CUX1: variants seen among roughly 807,000 people sequenced by gnomAD.
The protein encoded by CUX1 is cut like homeobox 1.
CUX1 carries 31 observed loss-of-function variants against 158.8 expected under a neutral mutation model. The ratio of observed to expected loss-of-function variants is 0.20; its 90% confidence interval spans 0.15 to 0.26. The LOEUF is 0.26. Ranked by LOEUF, CUX1 falls within the 10% of genes least tolerant of loss-of-function variation. The pLI is 1.00. For missense variants in CUX1, 1,589 were observed against 2,014.6 expected (o/e 0.79, Z 4.04); for synonymous variants, 879 against 862.1 (o/e 1.02, Z -0.34).
chr7:101,973,199 C>T (rs1054862358), intron 2 of CUX1, among the ~76,000 whole-genome samples: 2 of 152,008 alleles, frequency 1.3e-5, no homozygotes, highest in African/African-American at 4.8e-5. Flanking sequence ...GAGGCTGGGC[C>T]CCTTTAGATT....
downstream of CUX1, among the ~76,000 whole-genome samples, chr7:102,262,954 C>T (rs1397451870): frequency 3.3e-5 from 5 of 151,186 alleles, no homozygotes; most frequent in African/African-American, 1.2e-4. Flanking sequence ...GAGATAGTTG[C>T]TTCGAAGGTG....
chr7:101,992,968 G>A (rs767130306), intron 2 of CUX1, among the ~76,000 whole-genome samples: 5 of 152,146 alleles, frequency 3.3e-5, no homozygotes, highest in African/African-American at 4.8e-5. Flanking sequence ...TCTGCTGCTG[G>A]TCATGCCTAG....
At chr7:101,842,003 T>C (rs1353105001) in intron 1 of CUX1, among the ~76,000 whole-genome samples, 1 of 152,212 alleles carries the variant, frequency 6.6e-6, no homozygotes, top group Non-Finnish European at 1.5e-5. Context: ...ATTTTGTAAT[T>C]TTCTATTCAT....
intron 4 of CUX1, among the ~76,000 whole-genome samples, chr7:102,077,383 A>G (rs555968543): frequency 6.6e-6 from 1 of 152,034 alleles, no homozygotes; most frequent in South Asian, 2.1e-4. Context: ...AAGTAGTCAG[A>G]GGGGCTGTGA....
intron 4 of CUX1, among the ~76,000 whole-genome samples, chr7:102,071,512 C>T (rs1826130699): frequency 6.6e-6 from 1 of 152,148 alleles, no homozygotes; most frequent in Non-Finnish European, 1.5e-5. Context: ...CACTTGATGC[C>T]TTTTTCTGCC....
intron 2 of CUX1, among the ~76,000 whole-genome samples, chr7:101,951,820 C>T (rs1304985981): frequency 6.6e-6 from 1 of 152,230 alleles, no homozygotes; most frequent in East Asian, 1.9e-4. Flanking sequence ...CACCCATTCT[C>T]ATTAGCCTAC....
chr7:102,057,059 G>A (rs540564970), intron 3 of CUX1, among the ~76,000 whole-genome samples: 2 of 151,328 alleles, frequency 1.3e-5, no homozygotes, highest in African/African-American at 2.4e-5. Flanking sequence ...GTGCTACCAC[G>A]CCTGGCTAAT....
At chr7:102,022,474 C>T (rs941149431) in intron 2 of CUX1, among the ~76,000 whole-genome samples, 13 of 151,890 alleles carry the variant, frequency 8.6e-5, no homozygotes, top group South Asian at 2.1e-4. Context: ...AAAAATTTGC[C>T]GGACATGGTG....
chr7:102,068,963 T>C (rs1471625880), intron 3 of CUX1, among the ~76,000 whole-genome samples: 1 of 152,164 alleles, frequency 6.6e-6, no homozygotes, highest in Non-Finnish European at 1.5e-5. Context: ...GCTCAGTTAG[T>C]CAGTTCACAA....
chr7:102,126,401 CAA>C (rs1252195834), intron 8 of CUX1, among the ~76,000 whole-genome samples: 1 of 152,036 alleles, frequency 6.6e-6, no homozygotes, highest in African/African-American at 2.4e-5. Context: ...AGAAAATTCT[CAA>C]AGATTTTTTT....
intron 14 of CUX1, among the ~76,000 whole-genome samples, chr7:102,266,126 C>T (rs1290042101): frequency 6.6e-6 from 1 of 151,216 alleles, no homozygotes; most frequent in Non-Finnish European, 1.5e-5. Flanking sequence ...ATCTCTTGAA[C>T]CCAAGAGGTG....
rs1349460478 is a variant in CUX1, at chr7:102,250,890, T to TA, written c.*1849dup. On this transcript the variant is annotated 3_prime_UTR_variant, in exon 24 of 24. Coordinates refer to ENST00000292535, the MANE Select transcript of CUX1 (RefSeq NM_181552.4). ...TTTTTCAATAAGCTGTTTTATCAGT[T>TA]ACGGCTTCTACAAGTTTGCTAATTT... The TA allele has an allele frequency of 1.0e-6, 1 of 985,320 alleles. No individual in the cohort carries two copies. The highest frequency in any genetic ancestry group is 6.2e-5 in the Admixed American group (1 of 16,256). 61.0% of individuals were successfully genotyped at this position (985,320 alleles called of 1,614,324 possible).
At chr7:102,176,232 G>A (rs564249894) in intron 10 of CUX1, among the ~76,000 whole-genome samples, 1 of 152,344 alleles carries the variant, frequency 6.6e-6, no homozygotes, top group East Asian at 1.9e-4. Context: ...TTATTTCCCT[G>A]AGTGAATGCC....
intron 1 of CUX1, among the ~76,000 whole-genome samples, chr7:101,829,485 G>A (rs1398166350): frequency 2.0e-5 from 3 of 152,162 alleles, no homozygotes; most frequent in Non-Finnish European, 4.4e-5. Flanking sequence ...GAGAAGCCGG[G>A]AGTTGGGGTT....
intron 1 of CUX1, among the ~76,000 whole-genome samples, chr7:101,848,227 T>C (rs2131235891): frequency 6.6e-6 from 1 of 152,260 alleles, no homozygotes; most frequent in Non-Finnish European, 1.5e-5. Context: ...TTATGCTTTT[T>C]CCCAGAGATT....
intron 2 of CUX1, among the ~76,000 whole-genome samples, chr7:101,927,606 C>G (rs150344827): frequency 1.3e-5 from 2 of 152,136 alleles, no homozygotes; most frequent in African/African-American, 4.8e-5. Flanking sequence ...GCTATGATTG[C>G]GTCACTGCAC....
chr7:101,996,329 C>T (rs1389016301), intron 2 of CUX1, among the ~76,000 whole-genome samples: 1 of 151,136 alleles, frequency 6.6e-6, no homozygotes, highest in Admixed American at 6.6e-5. Context: ...TCCCCAGAGT[C>T]CGATCCCGTC....
chr7:101,952,860 C>T (rs1585077585), intron 2 of CUX1, among the ~76,000 whole-genome samples: 1 of 152,228 alleles, frequency 6.6e-6, no homozygotes. Context: ...GCGCAGGGCA[C>T]GTGTGTGTCC....
At chr7:102,064,713 T>C (rs1035707977) in intron 3 of CUX1, among the ~76,000 whole-genome samples, 1 of 152,172 alleles carries the variant, frequency 6.6e-6, no homozygotes, top group Admixed American at 6.5e-5. Flanking sequence ...AGTCACTGTG[T>C]TGTGTCTGGT....
Sources: allele counts gnomAD v4.1 joint callset (sites outside exome capture counted in the v4.1 genomes callset), GRCh38; gene constraint gnomAD v4.1.1; transcripts MANE v1.5; gene names NCBI Gene and HGNC (gene_info 2026-07-23, HGNC 2026-07-21).